Variants in USP45 observed in about 807,000 individuals in gnomAD.
The protein encoded by USP45 is ubiquitin specific peptidase 45.
USP45 carries 89 observed loss-of-function variants against 95.8 expected under a neutral mutation model. The observed-to-expected ratio is 0.93, with a 90% CI of 0.78 to 1.11. USP45 has a LOEUF of 1.11. USP45 is among the 50% of genes least tolerant of loss of function. The pLI, the probability that USP45 is intolerant of heterozygous loss-of-function variation, is 0.00. For synonymous variants in USP45, 281 were observed against 316.2 expected (o/e 0.89, Z 1.18); for missense variants, 898 against 942.5 (o/e 0.95, Z 0.62).
At chr6:99,443,245 G>A (rs1781854144) in intron 15 of USP45, among the ~76,000 whole-genome samples, 1 of 152,072 alleles carries the variant, frequency 6.6e-6, no homozygotes, top group Non-Finnish European at 1.5e-5. Flanking sequence ...CTGACCTCAG[G>A]TGATCTGCCC....
Position 99,462,700 on chromosome 6 carries a change from C to G in USP45, c.1308+1904G>C, listed in dbSNP as rs554421673. 4 of 986,718 alleles carry G rather than the reference C, an allele frequency of 4.1e-6. No homozygotes were observed. The East Asian group carries it at 4.5e-4, about 112-fold the overall frequency. The allele number at this position is 986,718 out of a possible 1,614,324, so 61.1% of individuals were successfully genotyped here. On this transcript the variant is annotated intron_variant, in intron 13 of 17. Transcript: ENST00000500704. ...TCTAACAGAGTAAGTTAAATTCAGG[C>G]CCAGCGCTGTGGCTCACACCTGCAA...
At chr6:99,500,450 G>T (rs913460577) in intron 5 of USP45, among the ~76,000 whole-genome samples, 2 of 151,924 alleles carry the variant, frequency 1.3e-5, no homozygotes, top group Admixed American at 1.3e-4. Flanking sequence ...CCATCATACC[G>T]TCCATGCTCC....
At chr6:99,439,189 AC>A (rs1781055745) in intron 16 of USP45, among the ~76,000 whole-genome samples, 2 of 152,170 alleles carry the variant, frequency 1.3e-5, no homozygotes, top group Admixed American at 1.3e-4. Context: ...ACAGTATGTT[AC>A]CCCATAACTG....
At chr6:99,514,749 T>C (rs983839401) in intron 1 of USP45, 6 of 152,204 alleles carry the variant, frequency 3.9e-5, no homozygotes, top group Non-Finnish European at 8.8e-5. Context: ...TATCTCCTTT[T>C]ATATACCAAG....
intron 5 of USP45, among the ~76,000 whole-genome samples, chr6:99,494,652 T>C (rs1298534772): frequency 6.6e-6 from 1 of 152,154 alleles, no homozygotes; most frequent in Non-Finnish European, 1.5e-5. Flanking sequence ...CCCAGCACTT[T>C]GGGAGCCAAG....
chr6:99,481,301 T>C (rs999181372), intron 8 of USP45, among the ~76,000 whole-genome samples: 1 of 152,222 alleles, frequency 6.6e-6, no homozygotes, highest in Non-Finnish European at 1.5e-5. Flanking sequence ...GTATGATCAC[T>C]TTTGGAAAGA....
Position 99,439,845 on chromosome 6 carries a change from C to T in USP45, c.2084G>A (p.Ser695Asn), listed in dbSNP as rs755013833. Residue 695 changes from serine (S) to asparagine (N), a missense_variant, in exon 16 of 18, where the codon AGT becomes AAT. Coordinates refer to ENST00000500704, the MANE Select transcript of USP45 (RefSeq NM_001346022.3). The part of the protein sequence containing the change: ...HLKRFHQAGL[S>N]LRKVNRHVDF... ...TACATGTCTGTTTACTTTACGAAGA[C>T]TCAAGCCAGCCTTAAAAAGACCAAA... is the stretch of plus-strand genomic sequence containing the variant. 1.2e-6 allele frequency: 2 copies of T among 1,606,082 alleles called. No individual in the cohort carries two copies. Among genetic ancestry groups the T allele is most frequent in the Admixed American group, 3.4e-5 (2 of 59,118 alleles).
At position 99,443,592 on chromosome 6, in the gene USP45, T is replaced by C; in HGVS notation, c.2046A>G (p.Leu682=). ...QLLISAVPAV[L]ILHLKRFHQA... Reference sequence around the variant, plus strand: ...GATGAAATCTTTTCAGGTGGAGAATTAGGACAGCTGGAACAGCAGAAATGA... The same window carrying C: ...GATGAAATCTTTTCAGGTGGAGAATCAGGACAGCTGGAACAGCAGAAATGA... Residue 682 remains leucine, a synonymous_variant, in exon 15 of 18, where the codon CTA becomes CTG. Transcript: ENST00000500704. 2 of 1,608,898 alleles carry C rather than the reference T, an allele frequency of 1.2e-6. No homozygotes were observed. The highest frequency in any genetic ancestry group is 1.7e-6 in the Non-Finnish European group (2 of 1,177,090).
At chr6:99,470,555 G>A (rs1264676323) in intron 9 of USP45, among the ~76,000 whole-genome samples, 2 of 152,048 alleles carry the variant, frequency 1.3e-5, no homozygotes, top group African/African-American at 2.4e-5. Context: ...AATTCATACC[G>A]TGTGACACAA....
At chr6:99,514,311 C>T (rs1369552525) in intron 1 of USP45, among the ~76,000 whole-genome samples, 1 of 152,118 alleles carries the variant, frequency 6.6e-6, no homozygotes, top group African/African-American at 2.4e-5. Flanking sequence ...CAGCAGTTTC[C>T]GCGCAGGGAA....
intron 13 of USP45, 58 bp from the exon 14 acceptor site, chr6:99,446,521 G>C (rs1582995611): frequency 7.0e-7 from 1 of 1,432,414 alleles, no homozygotes; most frequent in East Asian, 2.3e-5. Flanking sequence ...GAAAATAAAT[G>C]CCAATAATTC....
chr6:99,479,576 C>T (rs1583258030), intron 8 of USP45, among the ~76,000 whole-genome samples: 1 of 108,740 alleles, frequency 9.2e-6, no homozygotes, highest in African/African-American at 3.6e-5. Context: ...GAATATCCAC[C>T]AATACAATTT....
chr6:99,466,627 T>C, intron 11 of USP45, 45 bp downstream of exon 11: 1 of 1,435,488 alleles, frequency 7.0e-7, no homozygotes, highest in South Asian at 1.2e-5. Flanking sequence ...AAAAATGATG[T>C]GATTGTAATC....
chr6:99,449,795 G>C (rs1175003067), intron 13 of USP45, among the ~76,000 whole-genome samples: 1 of 152,152 alleles, frequency 6.6e-6, no homozygotes. Context: ...GCACTCCTCA[G>C]CAAATGTAAA....
chr6:99,445,708 C>G, intron 14 of USP45, 89 bp downstream of exon 14: 1 of 1,011,806 alleles, frequency 9.9e-7, no homozygotes, highest in Non-Finnish European at 1.4e-6. Flanking sequence ...AGTATAGGGA[C>G]AAGATTCTCA....
intron 5 of USP45, among the ~76,000 whole-genome samples, chr6:99,503,321 T>A (rs376679113): frequency 3.5e-4 from 53 of 151,862 alleles, no homozygotes; most frequent in Middle Eastern, 6.9e-3. Flanking sequence ...TGCATGATAC[T>A]CATAATTTTT....
Position 99,482,775 on chromosome 6 carries a change from G to A in USP45, c.823C>T (p.Leu275Phe). ...TEKGPLSPKV[L>F]FNQLCQKAPR... Reference sequence around the variant, plus strand: ...CACTTCTGACAAAGCTGATTAAAAAGAACTTTAGGAGAAAGTGGTCCTTTT... The same window carrying A: ...CACTTCTGACAAAGCTGATTAAAAAAAACTTTAGGAGAAAGTGGTCCTTTT... The change falls in exon 8 of 18, where the codon CTT (leucine) becomes TTT (phenylalanine). Residue 275 changes from leucine (L) to phenylalanine (F), a missense_variant. By Grantham distance (22) the Leu-to-Phe change is conservative. Transcript: ENST00000500704. The A allele has an allele frequency of 1.9e-6, 3 of 1,603,316 alleles. No individual in the cohort carries two copies. The highest frequency in any genetic ancestry group is 2.6e-6 in the Non-Finnish European group (3 of 1,174,760).
intron 13 of USP45, among the ~76,000 whole-genome samples, chr6:99,456,975 GC>G (rs1162984513): frequency 1.3e-5 from 2 of 152,116 alleles, no homozygotes; most frequent in Non-Finnish European, 1.5e-5. Flanking sequence ...CCTATGAATG[GC>G]CCCCCTGGGC....
chr6:99,507,955 A>C (rs2128806361), intron 3 of USP45, among the ~76,000 whole-genome samples: 1 of 152,340 alleles, frequency 6.6e-6, no homozygotes, highest in South Asian at 2.1e-4. Flanking sequence ...AATTCTGGTT[A>C]ATGCAACATG....
Sources: gnomAD v4.1 joint callset for allele counts (sites outside exome capture counted in the v4.1 genomes callset) on GRCh38, gnomAD v4.1.1 for gene constraint, MANE v1.5 for transcripts, NCBI Gene and HGNC (gene_info 2026-07-23, HGNC 2026-07-21) for gene names.